Variants in ACSM1 observed in about 807,000 individuals in gnomAD.
The protein encoded by ACSM1 is acyl-CoA synthetase medium chain family member 1.
In ACSM1, 79 loss-of-function variants were observed where a neutral mutation model predicts 75.8. That is an observed-to-expected ratio of 1.04 (90% CI 0.87 to 1.26). The LOEUF (loss-of-function observed/expected upper bound fraction) is 1.26, where lower values mean the gene tolerates loss of function less well. Among genes scored for constraint, ACSM1 ranks in the 50% most tolerant of loss-of-function variants. The pLI, the probability that ACSM1 is intolerant of heterozygous loss-of-function variation, is 0.00. For missense variants in ACSM1, 676 were observed against 720.1 expected, an observed-to-expected ratio of 0.94 and a Z score of 0.70; for synonymous variants, 279 against 265.8, an observed-to-expected ratio of 1.05 and a Z score of -0.48.
chr16:20,651,768 T>G (rs937360500), intron 7 of ACSM1, among the ~76,000 whole-genome samples: 1 of 152,200 alleles, frequency 6.6e-6, no homozygotes, highest in African/African-American at 2.4e-5. Flanking sequence ...CAAGTTCATG[T>G]GACTTAAGTA....
intron 4 of ACSM1, 101 bp downstream of exon 4, chr16:20,682,155 A>G: frequency 8.5e-7 from 1 of 1,174,070 alleles, no homozygotes; most frequent in Non-Finnish European, 1.2e-6. Context: ...GTGCACCTAA[A>G]TAATAAATAC....
chr16:20,661,693 C>G, intron 7 of ACSM1, 101 bp downstream of exon 7: 1 of 849,078 alleles, frequency 1.2e-6, no homozygotes. Context: ...CACACAAACA[C>G]ACACACACTC....
chr16:20,647,414 T>C (rs1195469352), intron 7 of ACSM1, among the ~76,000 whole-genome samples: 2 of 152,138 alleles, frequency 1.3e-5, no homozygotes, highest in Non-Finnish European at 2.9e-5. Context: ...GAGACCCTAA[T>C]AGTTAGGCAG....
At chr16:20,660,156 C>A (rs1173319555) in intron 7 of ACSM1, among the ~76,000 whole-genome samples, 4 of 152,174 alleles carry the variant, frequency 2.6e-5, no homozygotes, top group Admixed American at 2.6e-4. Flanking sequence ...TTTTCATCAA[C>A]AGTAGTAGTT....
intron 6 of ACSM1, among the ~76,000 whole-genome samples, chr16:20,668,177 T>G (rs2019677819): frequency 6.6e-6 from 1 of 152,228 alleles, no homozygotes; most frequent in South Asian, 2.1e-4. Flanking sequence ...AAAAGACTTT[T>G]TGTTTTAGTC....
chr16:20,627,879 T>A (rs1217938008), intron 10 of ACSM1, among the ~76,000 whole-genome samples: 3 of 12,268 alleles, frequency 2.4e-4, no homozygotes, highest in African/African-American at 5.2e-4. Context: ...CATATATATA[T>A]ATATATATAT....
rs1373886874 is a variant in ACSM1, at chr16:20,640,557, G to T, written c.1020C>A (p.Cys340Ter). 6.2e-7 allele frequency: 1 copy of T among 1,614,058 alleles called. No homozygotes were observed. Among genetic ancestry groups the T allele is most frequent in the African/African-American group, 1.3e-5 (1 of 74,942 alleles). The change falls in exon 8 of 14, where the codon TGC becomes TGA. Residue 340 changes from cysteine (C) to a stop codon, truncating the protein, a stop_gained. Transcript: ENST00000520010. LOFTEE classifies it high-confidence loss of function. The part of the protein sequence containing the change: ...TSIRFPALEH[C>*]YTGGEVVLPK... ...GCAACACGACCTCCCCGCCAGTATA[G>T]CAGTGCTCCAGGGCAGGGAACCTGA...
intron 7 of ACSM1, among the ~76,000 whole-genome samples, chr16:20,644,758 T>C (rs1001146674): frequency 3.6e-4 from 55 of 152,350 alleles, no homozygotes; most frequent in African/African-American, 1.2e-3. Flanking sequence ...CAAGGTCTTA[T>C]AGACAGCAAA....
chr16:20,674,455 T>A (rs2020146566), intron 4 of ACSM1: 1 of 153,278 alleles, frequency 6.5e-6, no homozygotes, highest in East Asian at 2.0e-4. Context: ...CTCCCCCCTC[T>A]CCACCCCCAA....
At chr16:20,671,160 A>G (rs1398354779) in intron 5 of ACSM1, among the ~76,000 whole-genome samples, 1 of 151,936 alleles carries the variant, frequency 6.6e-6, no homozygotes, top group Non-Finnish European at 1.5e-5. Flanking sequence ...TCACCCTGCT[A>G]GAATATTCTG....
intron 3 of ACSM1, among the ~76,000 whole-genome samples, chr16:20,683,223 T>C (rs2079481998): frequency 6.6e-6 from 1 of 152,064 alleles, no homozygotes; most frequent in Admixed American, 6.6e-5. Flanking sequence ...GTTCAAGCAA[T>C]TGTCCTGTCT....
At chr16:20,678,156 G>C (rs1048671124) in intron 4 of ACSM1, among the ~76,000 whole-genome samples, 1 of 152,056 alleles carries the variant, frequency 6.6e-6, no homozygotes, top group Non-Finnish European at 1.5e-5. Flanking sequence ...CCAAATGAAA[G>C]GGCTTGTTTT....
intron 2 of ACSM1, among the ~76,000 whole-genome samples, chr16:20,690,345 T>A (rs1454888354): frequency 6.6e-6 from 1 of 152,212 alleles, no homozygotes. Context: ...CTACTGCTTC[T>A]CTCTTGGTCT....
At chr16:20,677,792 A>C (rs1486632854) in intron 4 of ACSM1, among the ~76,000 whole-genome samples, 1 of 152,176 alleles carries the variant, frequency 6.6e-6, no homozygotes, top group African/African-American at 2.4e-5. Context: ...GGCTAGCAAA[A>C]GACCAAAAGA....
intron 7 of ACSM1, among the ~76,000 whole-genome samples, chr16:20,646,365 C>G (rs1461956896): frequency 6.6e-6 from 1 of 152,196 alleles, no homozygotes; most frequent in South Asian, 2.1e-4. Flanking sequence ...GAGTCAGAAG[C>G]CACTAACCAG....
intron 6 of ACSM1, among the ~76,000 whole-genome samples, chr16:20,663,917 G>T (rs1297376132): frequency 6.6e-6 from 1 of 152,096 alleles, no homozygotes; most frequent in Admixed American, 6.6e-5. Flanking sequence ...GACATCATAG[G>T]TGTCTAAGGC....
At chr16:20,628,995 TC>T (rs1195809440) in intron 10 of ACSM1, among the ~76,000 whole-genome samples, 1 of 152,212 alleles carries the variant, frequency 6.6e-6, no homozygotes, top group African/African-American at 2.4e-5. Context: ...TCAAATTACA[TC>T]CCTTTTTGGA....
chr16:20,664,508 T>C (rs942940928), intron 6 of ACSM1, among the ~76,000 whole-genome samples: 2 of 152,154 alleles, frequency 1.3e-5, no homozygotes, highest in African/African-American at 4.8e-5. Context: ...ATTTATAAGG[T>C]GAGTTCTTCT....
Position 20,685,258 on chromosome 16 carries a change from T to C in ACSM1, c.338A>G (p.His113Arg). The C allele has an allele frequency of 6.2e-7, 1 of 1,614,204 alleles. No individual in the cohort carries two copies. Among genetic ancestry groups the C allele is most frequent in the Non-Finnish European group, 8.5e-7 (1 of 1,180,030 alleles). Residue 113 changes from histidine (H) to arginine (R), a missense_variant, in exon 3 of 14, where the codon CAT becomes CGT. By Grantham distance (29) the His-to-Arg change is conservative. Coordinates refer to ENST00000520010, the MANE Select transcript of ACSM1 (RefSeq NM_001318890.3). Reference sequence around the variant, plus strand: ...AACTCGAGGCAGCATCAAGGCCAGATGGTCTCCCTGTTGTAGGCCACAGGT... The same window carrying C: ...AACTCGAGGCAGCATCAAGGCCAGACGGTCTCCCTGTTGTAGGCCACAGGT... Reference protein sequence around the residue: ...TQTCGLQQGDHLALMLPRVPE... With the variant: ...TQTCGLQQGDRLALMLPRVPE...
Sources: gnomAD v4.1 joint callset for allele counts (sites outside exome capture counted in the v4.1 genomes callset) on GRCh38, gnomAD v4.1.1 for gene constraint, MANE v1.5 for transcripts, NCBI Gene and HGNC (gene_info 2026-07-23, HGNC 2026-07-21) for gene names.